The following AKNAD1 variants were observed in gnomAD, a reference collection of about 807,000 sequenced individuals.
AKNAD1 encodes AKNA domain containing 1, also known as protein AKNAD1.
In AKNAD1, 67 loss-of-function variants were observed where a neutral mutation model predicts 90.8. The ratio of observed to expected loss-of-function variants is 0.74; its 90% CI spans 0.61 to 0.90. AKNAD1 has a LOEUF of 0.90. Ranked by LOEUF, AKNAD1 falls within the 40% of genes least tolerant of loss-of-function variation. The pLI, the probability that AKNAD1 is intolerant of heterozygous loss-of-function variation, is 0.00. For synonymous variants in AKNAD1, 327 were observed against 341.4 expected (o/e 0.96, Z 0.46); for missense variants, 957 against 975.4 (o/e 0.98, Z 0.25).
Position 108,852,475 on chromosome 1 carries a change from A to C in AKNAD1, c.190T>G (p.Cys64Gly), listed in dbSNP as rs1193154965. The C allele has an allele frequency of 1.2e-6, 2 of 1,613,678 alleles. No homozygotes were observed. Among genetic ancestry groups the C allele is most frequent in the African/African-American group, 2.7e-5 (2 of 74,872 alleles). The change falls in exon 2 of 16, where the codon TGT becomes GGT. Residue 64 changes from cysteine to glycine, a missense_variant. By Grantham distance (159) the Cys-to-Gly change is radical (BLOSUM62 -3). Coordinates refer to ENST00000370001, the MANE Select transcript of AKNAD1 (RefSeq NM_152763.5). The part of the protein sequence containing the change: ...PQEKAMHSET[C>G]GNTAVTIPLG... ...GGTATGGTCACAGCTGTATTTCCACAAGTCTCACTATGCATAGCCTTCTCT... is the reference window on the plus strand; with the variant it reads ...GGTATGGTCACAGCTGTATTTCCACCAGTCTCACTATGCATAGCCTTCTCT...
At chr1:108,835,419 C>A (rs935082504) in intron 7 of AKNAD1, among the ~76,000 whole-genome samples, 3 of 152,098 alleles carry the variant, frequency 2.0e-5, no homozygotes, top group Non-Finnish European at 4.4e-5. Flanking sequence ...AACATCATAA[C>A]AGCCCTGTGA....
In AKNAD1 at chr1:108,852,451, G is replaced by T. The variant is rs762825848; in HGVS notation, c.214C>A (p.Pro72Thr). 6.2e-7 allele frequency: 1 copy of T among 1,613,750 alleles called. No homozygotes were observed. Among genetic ancestry groups the T allele is most frequent in the Admixed American group, 1.7e-5 (1 of 59,932 alleles). The stretch of plus-strand genomic sequence containing the variant: ...GCATTTTCAGTAATTTTACCCAGGG[G>T]TATGGTCACAGCTGTATTTCCACAA... ...ETCGNTAVTI[P>T]LGKITENAAN... Residue 72 changes from proline (P) to threonine (T), a missense_variant, in exon 2 of 16, where the codon CCC (proline) becomes ACC (threonine). Physicochemically the swap from Pro to Thr is conservative, Grantham distance 38 (BLOSUM62 -1). Transcript: ENST00000370001.
At chr1:108,823,502 A>T in intron 12 of AKNAD1, 25 bp from the exon 13 acceptor site, 1 of 1,611,440 alleles carries the variant, frequency 6.2e-7, no homozygotes, top group Non-Finnish European at 8.5e-7. Flanking sequence ...TTAAAAATAC[A>T]GTTAATTGCC....
chr1:108,854,674 A>G (rs376780108), intron 1 of AKNAD1, among the ~76,000 whole-genome samples: 15 of 152,340 alleles, frequency 9.8e-5, no homozygotes, highest in African/African-American at 3.1e-4. Flanking sequence ...GATTATTTTA[A>G]ATCATTTAAA....
In AKNAD1 at chr1:108,817,147, G is replaced by A. The variant is rs1178393960; in HGVS notation, c.2280C>T (p.Ser760=). 2 of 1,614,134 alleles carry A rather than the reference G, an allele frequency of 1.2e-6. No individual in the cohort carries two copies. The highest frequency in any genetic ancestry group is 1.7e-4 in the Middle Eastern group (1 of 6,060). Residue 760 remains serine, a synonymous_variant, in exon 15 of 16, where the codon AGC becomes AGT. Coordinates refer to ENST00000370001, the MANE Select transcript of AKNAD1 (RefSeq NM_152763.5). ...GGGGTGAGGGTGTTGCAGGGTCTGA[G>A]CTGTAGGTCATGAAAGCCTGAAGTT... ...KKKLQAFMTY[S]SDPATPSPHF... is the part of the protein sequence containing the mutation.
At chr1:108,830,203 G>A (rs144213002) in intron 10 of AKNAD1, among the ~76,000 whole-genome samples, 8 of 152,238 alleles carry the variant, frequency 5.3e-5, no homozygotes, top group East Asian at 3.9e-4. Flanking sequence ...ACCACCCTCC[G>A]TGGGCTGTAA....
intron 5 of AKNAD1, among the ~76,000 whole-genome samples, chr1:108,847,293 C>T (rs566795981): frequency 6.6e-6 from 1 of 152,056 alleles, no homozygotes; most frequent in East Asian, 1.9e-4. Context: ...ACTAAAAATA[C>T]AAAAATTAGC....
chr1:108,816,325 T>C (rs202186986), intron 15 of AKNAD1, 23 bp from the exon 16 acceptor site: 23 of 1,600,636 alleles, frequency 1.4e-5, no homozygotes, highest in Non-Finnish European at 1.9e-5. Context: ...AGTCCACACA[T>C]TTTAATTACA....
intron 2 of AKNAD1, among the ~76,000 whole-genome samples, chr1:108,850,621 A>G (rs1248799353): frequency 1.5e-5 from 2 of 136,842 alleles, no homozygotes; most frequent in Non-Finnish European, 3.1e-5. Context: ...AAGTGTGAAA[A>G]TGGAAATGGA....
chr1:108,845,538 T>G (rs1018028460), intron 5 of AKNAD1, among the ~76,000 whole-genome samples: 6 of 152,316 alleles, frequency 3.9e-5, no homozygotes, highest in African/African-American at 1.4e-4. Flanking sequence ...TTTCCATCCC[T>G]TATTGGTTTC....
At chr1:108,829,023 C>T (rs550423892) in intron 10 of AKNAD1, among the ~76,000 whole-genome samples, 2 of 151,914 alleles carry the variant, frequency 1.3e-5, no homozygotes, top group African/African-American at 4.8e-5. Context: ...TATATATAAA[C>T]AATTTACAAA....
At position 108,851,770 on chromosome 1, in the gene AKNAD1, C is replaced by T; in HGVS notation, c.895G>A (p.Val299Met). The T allele has an allele frequency of 1.2e-6, 2 of 1,614,122 alleles. No individual in the cohort carries two copies. The highest frequency in any genetic ancestry group is 1.7e-6 in the Non-Finnish European group (2 of 1,179,994). ...GGCGTGGTTTCTAGACTATCTTGCA[C>T]AAGAGTGGGTTTATCTCTCGACTTG... ...SSKSRDKPTL[V>M]QDSLETTPES... Residue 299 changes from valine to methionine, a missense_variant, in exon 2 of 16, where the codon GTG (valine) becomes ATG (methionine). Val to Met is a conservative substitution (Grantham distance 21, BLOSUM62 1). Coordinates refer to ENST00000370001, the MANE Select transcript of AKNAD1 (RefSeq NM_152763.5).
intron 2 of AKNAD1, among the ~76,000 whole-genome samples, chr1:108,850,268 A>G (rs754834432): frequency 3.3e-5 from 5 of 152,180 alleles, no homozygotes; most frequent in Non-Finnish European, 7.3e-5. Flanking sequence ...AGACATCTCA[A>G]CTATATGACG....
At chr1:108,818,197 T>C (rs563049636) in intron 14 of AKNAD1, among the ~76,000 whole-genome samples, 1 of 152,336 alleles carries the variant, frequency 6.6e-6, no homozygotes, top group African/African-American at 2.4e-5. Context: ...TGAGCAGTCA[T>C]AGAGCCACCC....
At chr1:108,826,139 T>A (rs550821212) in intron 11 of AKNAD1, among the ~76,000 whole-genome samples, 1 of 151,854 alleles carries the variant, frequency 6.6e-6, no homozygotes, top group South Asian at 2.1e-4. Context: ...CTTCAATCAA[T>A]GAACCCTATT....
At position 108,837,617 on chromosome 1, in the gene AKNAD1, G is replaced by C. The variant is rs778523747; in HGVS notation, c.1469C>G (p.Ser490Cys). 1.2e-5 allele frequency: 19 copies of C among 1,614,048 alleles called. No homozygotes were observed. Residue 490 changes from serine (S) to cysteine (C), a missense_variant, in exon 7 of 16, where the codon TCC becomes TGC. Coordinates refer to ENST00000370001, the MANE Select transcript of AKNAD1 (RefSeq NM_152763.5). ...MDESKYTSAP[S>C]LPVSSPVTLD... Reference sequence around the variant, plus strand: ...GGTAACTGGAGAACTCACAGGAAGGGAAGGAGCTGAAGTATATTTGCTTTC... The same window carrying C: ...GGTAACTGGAGAACTCACAGGAAGGCAAGGAGCTGAAGTATATTTGCTTTC...
In AKNAD1 at chr1:108,817,070, C is replaced by T. The variant is rs747352559; in HGVS notation, c.2357G>A (p.Ser786Asn). ...SGSKSLCDFD[S>N]TEEIKSEILN... ...CACCTCAGATTTTATTTCTTCAGTG[C>T]TATCAAAGTCACATAAGGATTTGCT... The change falls in exon 15 of 16, where the codon AGC (serine) becomes AAC (asparagine). Residue 786 changes from serine (S) to asparagine (N), a missense_variant. Physicochemically the swap from Ser to Asn is conservative, Grantham distance 46. Transcript: ENST00000370001. The T allele has an allele frequency of 1.6e-5, 26 of 1,613,938 alleles. No individual in the cohort carries two copies. The South Asian group carries it at 2.7e-4, about 17-fold the overall frequency.
chr1:108,840,535 A>G (rs1170909910), intron 6 of AKNAD1, among the ~76,000 whole-genome samples: 2 of 152,248 alleles, frequency 1.3e-5, no homozygotes, highest in Non-Finnish European at 2.9e-5. Context: ...TATAAAGTTT[A>G]TTAGTAACAT....
intron 5 of AKNAD1, among the ~76,000 whole-genome samples, chr1:108,847,933 C>CAT (rs1379033421): frequency 6.6e-6 from 1 of 152,212 alleles, no homozygotes; most frequent in African/African-American, 2.4e-5. Flanking sequence ...GTGCCTGGTA[C>CAT]AGGGTCTGGG....
Sources: gnomAD v4.1 joint callset for allele counts (sites outside exome capture counted in the v4.1 genomes callset) on GRCh38, gnomAD v4.1.1 for gene constraint, MANE v1.5 for transcripts, NCBI Gene and HGNC (gene_info 2026-07-23, HGNC 2026-07-21) for gene names.